SOBP: variants seen among roughly 807,000 people sequenced by gnomAD.
SOBP encodes sine oculis binding protein homolog.
In SOBP, 4 loss-of-function variants were observed where a neutral mutation model predicts 53.6. That is an observed-to-expected ratio of 0.07 (90% CI 0.04 to 0.17). SOBP has a LOEUF of 0.17. Ranked by LOEUF, SOBP falls within the 10% of genes least tolerant of loss-of-function variation. SOBP has a pLI of 1.00. For synonymous variants in SOBP, 584 were observed against 522.6 expected (o/e 1.12, Z -1.60); for missense variants, 1,088 against 1,204.7 (o/e 0.90, Z 1.43).
Position 107,647,470 on chromosome 6 carries a change from G to T in SOBP, c.*4-10737G>T, listed in dbSNP as rs905915667. Among the ~76,000 whole-genome samples the T allele has an allele frequency of 2.6e-5, 4 of 152,168 alleles. No individual in the cohort carries two copies. In the East Asian group the frequency reaches 5.8e-4, roughly 22 times the overall value. On this transcript the variant is annotated intron_variant, in intron 6 of 6. Transcript: ENST00000317357. ...GTAAATAACAAGTTAAAATGTCCGG[G>T]AGCTACCTGGCTCGTAGTAGATGCT...
chr6:107,524,770 C>T (rs1562589547), intron 3 of SOBP, among the ~76,000 whole-genome samples: 1 of 152,164 alleles, frequency 6.6e-6, no homozygotes, highest in Non-Finnish European at 1.5e-5. Flanking sequence ...AGAGAAGAAA[C>T]CTTCCTGATA....
intron 3 of SOBP, among the ~76,000 whole-genome samples, chr6:107,507,194 C>T (rs569401696): frequency 2.6e-5 from 4 of 152,272 alleles, no homozygotes; most frequent in South Asian, 2.1e-4. Flanking sequence ...GTCTTCAACA[C>T]GCTTTCCTCT....
At chr6:107,621,327 A>G (rs1770149911) in intron 5 of SOBP, among the ~76,000 whole-genome samples, 1 of 152,258 alleles carries the variant, frequency 6.6e-6, no homozygotes, top group African/African-American at 2.4e-5. Context: ...TCCTTAGTGG[A>G]GAATCCAGTA....
At chr6:107,616,249 G>A (rs896241446) in intron 5 of SOBP, among the ~76,000 whole-genome samples, 3 of 152,110 alleles carry the variant, frequency 2.0e-5, no homozygotes, top group African/African-American at 4.8e-5. Context: ...TTAGCATCCT[G>A]GGACCACCAG....
At chr6:107,506,992 G>T (rs1328659521) in intron 3 of SOBP, among the ~76,000 whole-genome samples, 1 of 151,746 alleles carries the variant, frequency 6.6e-6, no homozygotes, top group Non-Finnish European at 1.5e-5. Context: ...CTTGAACCTG[G>T]GAGGCAGAGG....
intron 6 of SOBP, among the ~76,000 whole-genome samples, chr6:107,638,574 C>G (rs533267618): frequency 5.8e-4 from 88 of 152,082 alleles, no homozygotes; most frequent in Non-Finnish European, 9.7e-4. Flanking sequence ...AAACCCAGAC[C>G]GTTCATATGG....
intron 4 of SOBP, among the ~76,000 whole-genome samples, chr6:107,545,764 C>G (rs543307979): frequency 6.6e-6 from 1 of 151,914 alleles, no homozygotes; most frequent in African/African-American, 2.4e-5. Context: ...AGTCAGCAGC[C>G]TCCTCTCCAG....
At chr6:107,585,718 T>A (rs559005761) in intron 4 of SOBP, among the ~76,000 whole-genome samples, 17 of 152,318 alleles carry the variant, frequency 1.1e-4, no homozygotes, top group African/African-American at 4.1e-4. Context: ...TTACTGACCA[T>A]GACATTGCAC....
intron 4 of SOBP, among the ~76,000 whole-genome samples, chr6:107,572,917 C>G (rs972002078): frequency 2.0e-5 from 3 of 152,114 alleles, no homozygotes; most frequent in African/African-American, 7.2e-5. Flanking sequence ...AGTTATTTGG[C>G]AGAGGTATGG....
intron 1 of SOBP, among the ~76,000 whole-genome samples, chr6:107,500,546 G>T (rs1439619451): frequency 6.6e-6 from 1 of 151,578 alleles, no homozygotes; most frequent in African/African-American, 2.4e-5. Flanking sequence ...TTTTGAGAAG[G>T]AATCTCTCTC....
chr6:107,545,005 A>G (rs534117396), intron 4 of SOBP, among the ~76,000 whole-genome samples: 1 of 152,362 alleles, frequency 6.6e-6, no homozygotes, highest in African/African-American at 2.4e-5. Context: ...TAATACTGTA[A>G]TAATCACAAT....
At chr6:107,622,865 G>A (rs1443119739) in intron 5 of SOBP, among the ~76,000 whole-genome samples, 1 of 152,142 alleles carries the variant, frequency 6.6e-6, no homozygotes, top group African/African-American at 2.4e-5. Flanking sequence ...TAGCAAAGAA[G>A]CAAGATATGG....
intron 4 of SOBP, among the ~76,000 whole-genome samples, chr6:107,561,829 G>A (rs551717463): frequency 3.3e-5 from 5 of 152,276 alleles, no homozygotes; most frequent in African/African-American, 1.2e-4. Flanking sequence ...CTTAGATGGA[G>A]TAATTATTAC....
At chr6:107,559,196 A>G (rs1784704974) in intron 4 of SOBP, among the ~76,000 whole-genome samples, 1 of 152,240 alleles carries the variant, frequency 6.6e-6, no homozygotes, top group South Asian at 2.1e-4. Context: ...TAAATGTTAA[A>G]AAAAAAAGCT....
chr6:107,610,134 T>G (rs2115099823), intron 5 of SOBP, among the ~76,000 whole-genome samples: 3 of 152,314 alleles, frequency 2.0e-5, no homozygotes, highest in Admixed American at 2.0e-4. Context: ...TTCCACAAAC[T>G]TCTATCAAGC....
At chr6:107,550,999 A>G (rs1784444276) in intron 4 of SOBP, among the ~76,000 whole-genome samples, 2 of 152,244 alleles carry the variant, frequency 1.3e-5, no homozygotes, top group Admixed American at 1.3e-4. Flanking sequence ...CTCAGGGCTC[A>G]TGGATAAAGT....
chr6:107,623,653 C>T (rs375083356), intron 5 of SOBP, among the ~76,000 whole-genome samples: 18 of 152,264 alleles, frequency 1.2e-4, no homozygotes, highest in South Asian at 6.2e-4. Context: ...AATACAGAAA[C>T]GGACAAATGT....
At chr6:107,587,046 A>G (rs1785591154) in intron 4 of SOBP, 34 bp from the exon 5 acceptor site, 2 of 1,512,926 alleles carry the variant, frequency 1.3e-6, no homozygotes, top group Non-Finnish European at 9.2e-7. Flanking sequence ...CATTATTTGT[A>G]AGTCCCTAAA....
At chr6:107,575,118 A>G (rs1214901462) in intron 4 of SOBP, among the ~76,000 whole-genome samples, 1 of 152,140 alleles carries the variant, frequency 6.6e-6, no homozygotes, top group Non-Finnish European at 1.5e-5. Context: ...TCAGAGCCCA[A>G]CTTTGCCTTT....
Sources: gnomAD v4.1 joint callset for allele counts (sites outside exome capture counted in the v4.1 genomes callset) on GRCh38, gnomAD v4.1.1 for gene constraint, MANE v1.5 for transcripts, NCBI Gene and HGNC (gene_info 2026-07-23, HGNC 2026-07-21) for gene names.